DYNC2H1: variants seen among roughly 807,000 people sequenced by gnomAD.
DYNC2H1 encodes cytoplasmic dynein 2 heavy chain 1.
In DYNC2H1, 410 loss-of-function variants were observed where a neutral mutation model predicts 570.0. That is an observed-to-expected ratio of 0.72 (90% CI 0.66 to 0.78). The LOEUF is 0.78. Among genes scored for constraint, DYNC2H1 ranks in the 30% least tolerant of loss-of-function variants. The probability of loss-of-function intolerance (pLI) is 0.00; values close to 1 mark genes in which losing one functional copy is unlikely to be tolerated. For synonymous variants in DYNC2H1, 1,688 were observed against 1,677.6 expected (o/e 1.01, Z -0.15); for missense variants, 4,865 against 5,046.4 (o/e 0.96, Z 1.09).
intron 17 of DYNC2H1, among the ~76,000 whole-genome samples, chr11:103,140,601 C>T (rs1859855861): frequency 6.6e-6 from 1 of 152,168 alleles, no homozygotes; most frequent in Non-Finnish European, 1.5e-5. Flanking sequence ...GATGGGCTTC[C>T]CTTTGTGGGT....
chr11:103,216,144 A>T (rs1446407335), intron 55 of DYNC2H1, among the ~76,000 whole-genome samples: 2 of 151,684 alleles, frequency 1.3e-5, no homozygotes, highest in Non-Finnish European at 2.9e-5. Flanking sequence ...TATTTCTTAT[A>T]CTCTGCCATT....
Position 103,185,190 on chromosome 11 carries a change from T to G in DYNC2H1, c.6633+139T>G, listed in dbSNP as rs1862018660. On this transcript the variant is annotated intron_variant, in intron 41 of 88. Transcript: ENST00000375735. This position sits in a 1 kb window ranked among gnomAD's most constrained non-coding sequence, Gnocchi z 4.5. Reference sequence around the variant, plus strand: ...TTATGTATTCAATTGAGTAATAATGTATTTATGTATGTGTATTTATATTTT... The same window carrying G: ...TTATGTATTCAATTGAGTAATAATGGATTTATGTATGTGTATTTATATTTT... 1.6e-6 allele frequency: 1 copy of G among 606,444 alleles called. No individual in the cohort carries two copies. The allele number at this position is 606,444 out of a possible 1,614,324, so 37.6% of individuals were successfully genotyped here. A position where few individuals can be genotyped will look rare whatever the true frequency, so the allele number is the denominator to read the frequency against.
intron 32 of DYNC2H1, among the ~76,000 whole-genome samples, chr11:103,169,589 T>C (rs1211469668): frequency 2.0e-5 from 3 of 152,120 alleles, no homozygotes; most frequent in Admixed American, 6.6e-5. Context: ...AAAAACACAC[T>C]GTAAATTGTA....
intron 88 of DYNC2H1, among the ~76,000 whole-genome samples, chr11:103,469,149 A>G (rs1055872822): frequency 4.6e-5 from 7 of 152,218 alleles, no homozygotes; most frequent in African/African-American, 1.7e-4. Context: ...AGTTAGCTAC[A>G]CAGAAAGTGA....
chr11:103,169,095 A>G, intron 32 of DYNC2H1, 135 bp downstream of exon 32: 1 of 859,486 alleles, frequency 1.2e-6, no homozygotes, highest in Non-Finnish European at 1.7e-6. Context: ...GTCTTGTTTA[A>G]TCAGAATTAG....
chr11:103,321,541 A>T (rs2135438692), intron 81 of DYNC2H1, among the ~76,000 whole-genome samples: 1 of 152,266 alleles, frequency 6.6e-6, no homozygotes, highest in Non-Finnish European at 1.5e-5. Flanking sequence ...GAAGTGGGAG[A>T]ATATGCACTT....
chr11:103,349,563 A>T (rs1437242835), intron 82 of DYNC2H1, among the ~76,000 whole-genome samples: 2 of 152,182 alleles, frequency 1.3e-5, no homozygotes, highest in African/African-American at 4.8e-5. Context: ...ACAAAATATG[A>T]ATATATGTGA....
chr11:103,321,051 A>G lies in DYNC2H1; in HGVS notation c.11748A>G (p.Glu3916=). The change falls in exon 81 of 89, where the codon GAA becomes GAG. Residue 3916 remains glutamate, a synonymous_variant. Coordinates refer to ENST00000375735, the MANE Select transcript of DYNC2H1 (RefSeq NM_001377.3). ...TAGGTGCCAAAGATGTACAATGGGAATTTGTACATGGTTTACTTGAAAATG... is the reference window on the plus strand; with the variant it reads ...TAGGTGCCAAAGATGTACAATGGGAGTTTGTACATGGTTTACTTGAAAATG... ...LFDGAKDVQW[E]FVHGLLENAI... 1 of 1,610,778 alleles carries G rather than the reference A, an allele frequency of 6.2e-7. No homozygotes were observed. The highest frequency in any genetic ancestry group is 8.5e-7 in the Non-Finnish European group (1 of 1,178,588).
At chr11:103,412,728 T>A (rs1280501209) in intron 84 of DYNC2H1, among the ~76,000 whole-genome samples, 1 of 152,164 alleles carries the variant, frequency 6.6e-6, no homozygotes. Context: ...GTTTAATCAT[T>A]TTGAAATCAT....
chr11:103,324,142 T>C lies in DYNC2H1; in HGVS notation c.12039+152T>C, dbSNP rs1315834531. 6.6e-6 allele frequency among the ~76,000 whole-genome samples: 1 copy of C among 152,248 alleles called. No homozygotes were observed. Among genetic ancestry groups the C allele is most frequent in the Non-Finnish European group, 1.5e-5 (1 of 68,040 alleles). On this transcript the variant is annotated intron_variant, in intron 82 of 88. Transcript: ENST00000375735. The surrounding 1 kb of genome is among the most constrained non-coding windows in gnomAD (Gnocchi z 5.2). ...TCCAGTTTTACTTTAAATATATTTT[T>C]TAAAATATTTGATTTTCTGATTTTT... is the stretch of plus-strand genomic sequence containing the variant.
Position 103,184,960 on chromosome 11 carries a change from G to C in DYNC2H1, c.6542G>C (p.Gly2181Ala). The C allele has an allele frequency of 6.2e-7, 1 of 1,611,228 alleles. No homozygotes were observed. Among genetic ancestry groups the C allele is most frequent in the Non-Finnish European group, 8.5e-7 (1 of 1,178,070 alleles). ...ATGAATGGTTTGTCACATCTACATG[G>C]TTGCAGAGATCATGACGAATTCATT... ...TVMNGLSHLH[G>A]CRDHDEFIIN... The change falls in exon 41 of 89, where the codon GGT (glycine) becomes GCT (alanine). Residue 2181 changes from glycine to alanine, a missense_variant. By Grantham distance (60) the Gly-to-Ala change is moderately conservative. This residue lies in a region of DYNC2H1 where 231 missense variants were observed against 310.3 expected (regional missense o/e 0.74). Coordinates refer to ENST00000375735, the MANE Select transcript of DYNC2H1 (RefSeq NM_001377.3).
intron 84 of DYNC2H1, among the ~76,000 whole-genome samples, chr11:103,401,369 G>A (rs117293862): frequency 6.6e-6 from 1 of 152,092 alleles, no homozygotes; most frequent in Non-Finnish European, 1.5e-5. Context: ...TGAATTAGAA[G>A]AGAATAATAA....
Position 103,243,023 on chromosome 11 carries a change from T to C in DYNC2H1, c.9820-670T>C, listed in dbSNP as rs953324534. On this transcript the variant is annotated intron_variant, in intron 63 of 88. Coordinates refer to ENST00000375735, the MANE Select transcript of DYNC2H1 (RefSeq NM_001377.3). The surrounding 1 kb of genome is among the most constrained non-coding windows in gnomAD (Gnocchi z 4.8). ...TGACTTCCTTTTTTTTAGAATTTAA[T>C]TAGTGCAGGATGTTCTATAATGAAT... Among the ~76,000 whole-genome samples the C allele has an allele frequency of 6.6e-6, 1 of 152,106 alleles. No homozygotes were observed. Among genetic ancestry groups the C allele is most frequent in the African/African-American group, 2.4e-5 (1 of 41,418 alleles).
In DYNC2H1 at chr11:103,120,657, CTAAAGTCTAACAA is replaced by C. The variant is rs1858657925; in HGVS notation, c.1135-30_1135-18del. The C allele has an allele frequency of 6.2e-7, 1 of 1,606,006 alleles. No homozygotes were observed. Among genetic ancestry groups the C allele is most frequent in the East Asian group, 2.2e-5 (1 of 44,744 alleles). On this transcript the variant is annotated intron_variant, in intron 7 of 88. Coordinates refer to ENST00000375735, the MANE Select transcript of DYNC2H1 (RefSeq NM_001377.3). ...TTTTTAAAGACAGATTTAAAAAATA[CTAAAGTCTAACAA>C]TGTTGTTAATGTATGTAGCCCTTGT...
chr11:103,136,419 C>T (rs528881339), intron 17 of DYNC2H1, among the ~76,000 whole-genome samples: 29 of 149,308 alleles, frequency 1.9e-4, no homozygotes, highest in Admixed American at 8.7e-4. Context: ...TGTTCCTTTT[C>T]CTGTGTCCAT....
At chr11:103,136,039 T>C (rs1859521897) in intron 17 of DYNC2H1, 91 bp downstream of exon 17, 3 of 1,081,266 alleles carry the variant, frequency 2.8e-6, no homozygotes, top group Non-Finnish European at 3.7e-6. Context: ...TAGTTTACCT[T>C]GTGTGGCATA....
chr11:103,307,244 G>A (rs1221568140), intron 77 of DYNC2H1, among the ~76,000 whole-genome samples: 1 of 152,086 alleles, frequency 6.6e-6, no homozygotes, highest in Non-Finnish European at 1.5e-5. Flanking sequence ...ACTAAAAATT[G>A]TAAATAAGGG....
chr11:103,266,325 G>A (rs1865503395), intron 70 of DYNC2H1, among the ~76,000 whole-genome samples: 1 of 152,088 alleles, frequency 6.6e-6, no homozygotes, highest in African/African-American at 2.4e-5. Context: ...GCAGATGACT[G>A]TGTGCATGAT....
Position 103,399,878 on chromosome 11 carries a change from C to A in DYNC2H1, c.12366+6C>A. 1 of 1,606,974 alleles carries A rather than the reference C, an allele frequency of 6.2e-7. No individual in the cohort carries two copies. Among genetic ancestry groups the A allele is most frequent in the African/African-American group, 1.3e-5 (1 of 74,840 alleles). ...GTGCTTTATTAAACCAAAAGGTAAGCGAGTACTAACTGTATGTATTTTTAT... is the reference window on the plus strand; with the variant it reads ...GTGCTTTATTAAACCAAAAGGTAAGAGAGTACTAACTGTATGTATTTTTAT... On this transcript the variant is annotated splice_donor_region_variant and intron_variant, in intron 84 of 88. Coordinates refer to ENST00000375735, the MANE Select transcript of DYNC2H1 (RefSeq NM_001377.3).
Sources: allele counts gnomAD v4.1 joint callset (sites outside exome capture counted in the v4.1 genomes callset), GRCh38; gene constraint gnomAD v4.1.1; regional missense constraint gnomAD v4.1.1; non-coding constraint Gnocchi (gnomAD v3.1); transcripts MANE v1.5; gene names NCBI Gene and HGNC (gene_info 2026-07-23, HGNC 2026-07-21).